UNC93A: variants seen among roughly 807,000 people sequenced by gnomAD.
UNC93A encodes N-acetylglucosamine transporter UNC93A.
Under a neutral mutation model 47.5 loss-of-function variants are expected in UNC93A, and 43 were observed. That is an observed-to-expected ratio of 0.91 (90% CI 0.71 to 1.17). UNC93A has a LOEUF of 1.17. UNC93A is among the 50% of genes most tolerant of loss of function. The pLI is 0.00. For synonymous variants in UNC93A, 280 were observed against 258.0 expected, an observed-to-expected ratio of 1.09 and a Z score of -0.82; for missense variants, 605 against 577.6, an observed-to-expected ratio of 1.05 and a Z score of -0.49.
chr6:167,314,113 C>A (rs753509776), intron 7 of UNC93A, among the ~76,000 whole-genome samples: 1 of 152,140 alleles, frequency 6.6e-6, no homozygotes. Context: ...TGAGTTGTTT[C>A]GTATAAAACT....
chr6:167,284,929 CTGG>C (rs1783697777), intron 1 of UNC93A, among the ~76,000 whole-genome samples: 1 of 152,104 alleles, frequency 6.6e-6, no homozygotes, highest in South Asian at 2.1e-4. Flanking sequence ...CCCCAGACCC[CTGG>C]TGGTATCACG....
chr6:167,296,888 C>T (rs928258341), intron 3 of UNC93A, among the ~76,000 whole-genome samples: 1 of 152,204 alleles, frequency 6.6e-6, no homozygotes, highest in Admixed American at 6.5e-5. Flanking sequence ...AAAAACCAAT[C>T]CAGCCCTCCT....
rs181089732 is a variant in UNC93A, at chr6:167,300,315, C to G, written c.625+2245C>G. 4.7e-3 allele frequency among the ~76,000 whole-genome samples: 719 copies of G among 152,274 alleles called. 7 individuals are homozygous for G. Among genetic ancestry groups the G allele is most frequent in the African/African-American group, 0.016 (665 of 41,534 alleles). ...CAGAGAAGGGAGTATAGCTGGACCCCTGGTTCAGCAACACTGAGGGCCAGG... is the reference window on the plus strand; with the variant it reads ...CAGAGAAGGGAGTATAGCTGGACCCGTGGTTCAGCAACACTGAGGGCCAGG... On this transcript the variant is annotated intron_variant, in intron 4 of 7. Coordinates refer to ENST00000230256, the MANE Select transcript of UNC93A (RefSeq NM_018974.4).
chr6:167,277,631 TTC>T (rs919062970), intron 1 of UNC93A, among the ~76,000 whole-genome samples: 1 of 150,954 alleles, frequency 6.6e-6, no homozygotes. Flanking sequence ...CTCTCTGACT[TTC>T]TCTCTCTCTG....
At chr6:167,279,211 CT>C (rs1391161243) in intron 1 of UNC93A, among the ~76,000 whole-genome samples, 1 of 152,118 alleles carries the variant, frequency 6.6e-6, no homozygotes, top group Non-Finnish European at 1.5e-5. Flanking sequence ...TATTTTACAA[CT>C]CTTTGAGAAT....
chr6:167,294,506 T>C lies in UNC93A; in HGVS notation c.88-11T>C, dbSNP rs756154858. ...TCCTGTGCTCTGACAGGGCTGGCTT[T>C]GTTCCCACAGAGCAGCCTGTACAGC... On this transcript the variant is annotated splice_polypyrimidine_tract_variant and intron_variant, in intron 1 of 7. Transcript: ENST00000230256. The C allele has an allele frequency of 4.3e-6, 7 of 1,613,724 alleles. No individual in the cohort carries two copies. In the Admixed American group the frequency reaches 8.3e-5, roughly 19 times the overall value.
In UNC93A at chr6:167,273,060, C is replaced by G. The variant is rs1290835331; in HGVS notation, c.-52+1602C>G. ...TACAGGCTCGCCTGCCTGTGGGCCCCTTTGTGACTGCCCAGGCAAGCCGCT... is the reference window on the plus strand; with the variant it reads ...TACAGGCTCGCCTGCCTGTGGGCCCGTTTGTGACTGCCCAGGCAAGCCGCT... On this transcript the variant is annotated intron_variant, in intron 1 of 3. Transcript: ENST00000503433. Among the ~76,000 whole-genome samples the G allele has an allele frequency of 3.3e-5, 5 of 152,174 alleles. No homozygotes were observed. In the South Asian group the frequency reaches 8.3e-4, roughly 25 times the overall value.
At chr6:167,295,996 C>A in intron 2 of UNC93A, 36 bp from the exon 3 acceptor site, 1 of 1,595,994 alleles carries the variant, frequency 6.3e-7, no homozygotes, top group East Asian at 2.2e-5. Flanking sequence ...GCTTGCGTCT[C>A]CTGTTACAGG....
intron 6 of UNC93A, among the ~76,000 whole-genome samples, chr6:167,306,632 G>A (rs1465479436): frequency 6.6e-6 from 1 of 152,246 alleles, no homozygotes; most frequent in East Asian, 1.9e-4. Context: ...TGGGTGTGGG[G>A]GCGCAGCCAG....
At chr6:167,293,757 C>T (rs147709925) in intron 1 of UNC93A, among the ~76,000 whole-genome samples, 33 of 152,300 alleles carry the variant, frequency 2.2e-4, no homozygotes, top group African/African-American at 6.3e-4. Context: ...GGACAAAGGA[C>T]GCTCTTTTGT....
At chr6:167,300,038 C>T (rs1778197798) in intron 4 of UNC93A, among the ~76,000 whole-genome samples, 1 of 150,546 alleles carries the variant, frequency 6.6e-6, no homozygotes, top group South Asian at 2.1e-4. Flanking sequence ...CCAGCAGGGT[C>T]CGTGTGGGTT....
At chr6:167,300,307 C>A (rs914617448) in intron 4 of UNC93A, among the ~76,000 whole-genome samples, 4 of 152,138 alleles carry the variant, frequency 2.6e-5, no homozygotes, top group Non-Finnish European at 4.4e-5. Flanking sequence ...GGGAGTATAG[C>A]TGGACCCCTG....
intron 1 of UNC93A, among the ~76,000 whole-genome samples, chr6:167,277,729 A>G (rs1783567284): frequency 7.0e-6 from 1 of 142,202 alleles, no homozygotes; most frequent in South Asian, 2.3e-4. Flanking sequence ...CTCTGTCTCT[A>G]TAACTCTTTC....
chr6:167,286,993 AAAAAAAAAAAAT>A (rs1353207011), upstream of UNC93A, among the ~76,000 whole-genome samples: 3 of 151,248 alleles, frequency 2.0e-5, no homozygotes, highest in African/African-American at 7.3e-5. Flanking sequence ...AAAAAAAAAA[AAAAAAAAAAAAT>A]TCCAGCATAA....
intron 4 of UNC93A, among the ~76,000 whole-genome samples, chr6:167,299,416 C>G (rs990836538): frequency 6.6e-6 from 1 of 152,104 alleles, no homozygotes; most frequent in Non-Finnish European, 1.5e-5. Context: ...CCTCAGGTCC[C>G]CTCAGGCCAC....
intron 7 of UNC93A, among the ~76,000 whole-genome samples, chr6:167,308,549 C>A: frequency 6.6e-6 from 1 of 151,876 alleles, no homozygotes; most frequent in East Asian, 1.9e-4. Flanking sequence ...TGACCACTGT[C>A]CAGGTGGGGT....
chr6:167,293,624 C>T (rs755165320), intron 1 of UNC93A, among the ~76,000 whole-genome samples: 5 of 152,184 alleles, frequency 3.3e-5, no homozygotes, highest in Non-Finnish European at 7.3e-5. Context: ...CAGGCCCCAA[C>T]AAGGCACATG....
chr6:167,300,943 G>A (rs1301406136), intron 4 of UNC93A, among the ~76,000 whole-genome samples: 3 of 152,242 alleles, frequency 2.0e-5, no homozygotes, highest in Non-Finnish European at 4.4e-5. Context: ...ATTCCTACAT[G>A]TAAGTATCTT....
chr6:167,313,671 TG>T (rs1397345218), intron 7 of UNC93A, among the ~76,000 whole-genome samples: 2 of 152,178 alleles, frequency 1.3e-5, no homozygotes, highest in Non-Finnish European at 2.9e-5. Flanking sequence ...ATTTATAATC[TG>T]GGTCCATTGG....
Sources: allele counts gnomAD v4.1 joint callset (sites outside exome capture counted in the v4.1 genomes callset), GRCh38; gene constraint gnomAD v4.1.1; transcripts MANE v1.5; gene names NCBI Gene and HGNC (gene_info 2026-07-23, HGNC 2026-07-21).